Variants in MBTD1 observed in about 807,000 individuals in gnomAD.
The protein encoded by MBTD1 is MBT domain-containing protein 1.
In MBTD1, 24 loss-of-function variants were observed where a neutral mutation model predicts 87.8. The observed-to-expected ratio is 0.27, with a 90% CI of 0.20 to 0.38. MBTD1 has a LOEUF of 0.38. MBTD1 is among the 10% of genes least tolerant of loss of function. The pLI, the probability that MBTD1 is intolerant of heterozygous loss-of-function variation, is 1.00. For missense variants in MBTD1, 436 were observed against 760.2 expected (o/e 0.57, Z 5.02); for synonymous variants, 237 against 248.6 (o/e 0.95, Z 0.44).
At position 51,194,566 on chromosome 17, in the gene MBTD1, C is replaced by CAAAAAAAAAAAAAAAAAAAAAAA. The variant is rs71355733; in HGVS notation, c.1372+625_1372+647dup. Among the ~76,000 whole-genome samples, 3 of 19,734 alleles carry CAAAAAAAAAAAAAAAAAAAAAAA rather than the reference C, an allele frequency of 1.5e-4. 1 individual carries two copies. The highest frequency in any genetic ancestry group is 2.6e-4 in the African/African-American group (1 of 3,804). The allele number at this position is 19,734 out of a possible 152,430, so 12.9% of individuals were successfully genotyped here. On this transcript the variant is annotated intron_variant, in intron 13 of 16. Transcript: ENST00000586178. Reference sequence around the variant, plus strand: ...CCTGGGTGACAGAGCGAGACTGTCTCAAAAAAAAAAAAAAAAAAAAAAAAA... The same window carrying CAAAAAAAAAAAAAAAAAAAAAAA: ...CCTGGGTGACAGAGCGAGACTGTCTCAAAAAAAAAAAAAAAAAAAAAAAAAAAAAAAAAAAAAAAAAAAAAAAA...
Position 51,185,613 on chromosome 17 carries a change from G to A in MBTD1, c.1769-4919C>T, listed in dbSNP as rs929140575. ...AGAACTCAAAACACATCCTTTCCAT[G>A]AATGAGATACTATGAAATGTTATGA... On this transcript the variant is annotated intron_variant, in intron 16 of 16. Coordinates refer to ENST00000586178, the MANE Select transcript of MBTD1 (RefSeq NM_017643.3). 2.0e-5 allele frequency: 3 copies of A among 152,076 alleles called. 1 individual carries two copies. Among genetic ancestry groups the A allele is most frequent in the Non-Finnish European group, 4.4e-5 (3 of 68,020 alleles). 9.4% of individuals were successfully genotyped at this position (152,076 alleles called of 1,614,324 possible).
intron 4 of MBTD1, among the ~76,000 whole-genome samples, chr17:51,219,305 T>C (rs895783979): frequency 6.6e-6 from 1 of 152,202 alleles, no homozygotes; most frequent in African/African-American, 2.4e-5. Context: ...AAAAATTATA[T>C]CCCACAAGAT....
chr17:51,211,152 A>G lies in MBTD1; in HGVS notation c.487-4147T>C, dbSNP rs573067868. 6.6e-5 allele frequency among the ~76,000 whole-genome samples: 10 copies of G among 151,076 alleles called. No individual in the cohort carries two copies. The South Asian group carries it at 1.9e-3, about 28-fold the overall frequency. ...ACTACATCTCATAAAAAAAAAAGAA[A>G]AAAAAAAAAAGGAAAAAAAAATTTA... On this transcript the variant is annotated intron_variant, in intron 6 of 16. Coordinates refer to ENST00000586178, the MANE Select transcript of MBTD1 (RefSeq NM_017643.3).
rs531500349 is a variant in MBTD1 at position 51,179,291 on chromosome 17, G to A, written c.*1285C>T. 3 of 150,840 alleles carry A rather than the reference G, an allele frequency of 2.0e-5. No individual in the cohort carries two copies. The highest frequency in any genetic ancestry group is 6.6e-5 in the Admixed American group (1 of 15,098). The allele number at this position is 150,840 out of a possible 1,614,324, so 9.3% of individuals were successfully genotyped here. On this transcript the variant is annotated 3_prime_UTR_variant, in exon 17 of 17. Coordinates refer to ENST00000586178, the MANE Select transcript of MBTD1 (RefSeq NM_017643.3). ...TAGTTTATGAACCTCACTGGTAAAC[G>A]CTAGAGCGCTCTCATTCAGTCACAA...
chr17:51,179,490 A>ATATATATATATATATT lies in MBTD1; in HGVS notation c.*1085_*1086insAATATATATATATATA, dbSNP rs1568135584. 29 of 23,526 alleles carry ATATATATATATATATT rather than the reference A, an allele frequency of 1.2e-3. No homozygotes were observed. Among genetic ancestry groups the ATATATATATATATATT allele is most frequent in the Admixed American group, 1.9e-3 (4 of 2,052 alleles). 1.5% of individuals were successfully genotyped at this position (23,526 alleles called of 1,614,324 possible). ...AATACAATTAAAGACAATTTTATATATATATATATATATATATATATATAT... is the reference window on the plus strand; with the variant it reads ...AATACAATTAAAGACAATTTTATATATATATATATATATATTTATATATATATATATATATATATAT... On this transcript the variant is annotated 3_prime_UTR_variant, in exon 17 of 17. Coordinates refer to ENST00000586178, the MANE Select transcript of MBTD1 (RefSeq NM_017643.3).
intron 2 of MBTD1, among the ~76,000 whole-genome samples, chr17:51,227,370 G>T (rs1460881642): frequency 6.6e-6 from 1 of 152,018 alleles, no homozygotes; most frequent in Non-Finnish European, 1.5e-5. Flanking sequence ...AGACTAGCCT[G>T]GGCAATATGG....
chr17:51,202,199 T>TTCTACA lies in MBTD1; in HGVS notation c.1064-128_1064-123dup, dbSNP rs552645712. The TTCTACA allele has an allele frequency of 6.4e-4, 427 of 665,558 alleles. 3 individuals carry two copies. Among genetic ancestry groups the TTCTACA allele is most frequent in the South Asian group, 4.8e-3 (276 of 57,602 alleles). The allele number at this position is 665,558 out of a possible 1,614,324, so 41.2% of individuals were successfully genotyped here. On this transcript the variant is annotated intron_variant, in intron 10 of 16. Transcript: ENST00000586178. ...ATAAAACATGGCAAGAAGACATGCC[T>TTCTACA]TCTACATTTGGGGTGAATATTCTTT...
In MBTD1 at chr17:51,177,730, T is replaced by G. The variant is rs1359252726; in HGVS notation, c.*2846A>C. The G allele has an allele frequency of 6.6e-6, 1 of 152,212 alleles. No individual in the cohort carries two copies. Among genetic ancestry groups the G allele is most frequent in the East Asian group, 1.9e-4 (1 of 5,200 alleles). The allele number at this position is 152,212 out of a possible 1,614,324, so 9.4% of individuals were successfully genotyped here. On this transcript the variant is annotated 3_prime_UTR_variant, in exon 17 of 17. Transcript: ENST00000586178. ...AATGATGTAAAAACCTTATGCAGTT[T>G]ACTTTGACCTCTGTCCTCAAAAGAT...
chr17:51,224,515 T>C (rs1054936470), intron 3 of MBTD1, among the ~76,000 whole-genome samples: 1 of 152,190 alleles, frequency 6.6e-6, no homozygotes, highest in African/African-American at 2.4e-5. Context: ...ATTCTAGTAA[T>C]TTGAGATACT....
chr17:51,226,876 C>T (rs1297147892), intron 2 of MBTD1, among the ~76,000 whole-genome samples: 10 of 151,942 alleles, frequency 6.6e-5, no homozygotes, highest in African/African-American at 2.4e-4. Context: ...AAGTGATCGC[C>T]TGCCTTGGCT....
intron 12 of MBTD1, among the ~76,000 whole-genome samples, chr17:51,201,205 G>C (rs1385434967): frequency 6.6e-6 from 1 of 151,888 alleles, no homozygotes; most frequent in Non-Finnish European, 1.5e-5. Flanking sequence ...TCAGATGAGG[G>C]GGAAAAGAGA....
rs547061220 is a variant in MBTD1, at chr17:51,212,412, GT to G, written c.486+4921del. ...AAAGTATGATAAACTCAGCTGAAAA[GT>G]TTCTGCATCTATGTGTACAAATGAC... On this transcript the variant is annotated intron_variant, in intron 6 of 16. Transcript: ENST00000586178. Among the ~76,000 whole-genome samples the G allele has an allele frequency of 2.1e-4, 31 of 148,182 alleles. No homozygotes were observed. In the East Asian group the frequency reaches 5.9e-3, roughly 28 times the overall value.
intron 9 of MBTD1, 83 bp downstream of exon 9, chr17:51,203,057 A>G: frequency 7.6e-7 from 1 of 1,310,728 alleles, no homozygotes; most frequent in Non-Finnish European, 1.1e-6. Context: ...CTGGTTCACA[A>G]AATTAAACCA....
chr17:51,213,605 A>G (rs897574822), intron 6 of MBTD1, among the ~76,000 whole-genome samples: 1 of 152,174 alleles, frequency 6.6e-6, no homozygotes, highest in Non-Finnish European at 1.5e-5. Flanking sequence ...GCTGAAAATT[A>G]TAGTCCAGCT....
rs776817492 is a variant in MBTD1 at position 51,179,174 on chromosome 17, T to A, written c.*1402A>T. ...AATTTCTAATTAGCCCTACCTATAT[T>A]CCAGAGGAGATGGTCAATATTACCA... On this transcript the variant is annotated 3_prime_UTR_variant, in exon 17 of 17. Coordinates refer to ENST00000586178, the MANE Select transcript of MBTD1 (RefSeq NM_017643.3). 6.6e-6 allele frequency: 1 copy of A among 151,974 alleles called. No homozygotes were observed. Among genetic ancestry groups the A allele is most frequent in the African/African-American group, 2.4e-5 (1 of 41,374 alleles). 9.4% of individuals were successfully genotyped at this position (151,974 alleles called of 1,614,324 possible).
chr17:51,212,783 T>G lies in MBTD1; in HGVS notation c.486+4551A>C, dbSNP rs58031833. Among the ~76,000 whole-genome samples, 1,131 of 152,292 alleles carry G rather than the reference T, an allele frequency of 7.4e-3. 16 individuals are homozygous for G. The highest frequency in any genetic ancestry group is 0.026 in the African/African-American group (1,080 of 41,572). ...TTATCTATTTATTTTTGAGATGGAA[T>G]TTTGCTCTTATTGCTTAGGCTAGAG... On this transcript the variant is annotated intron_variant, in intron 6 of 16. Coordinates refer to ENST00000586178, the MANE Select transcript of MBTD1 (RefSeq NM_017643.3).
intron 16 of MBTD1, among the ~76,000 whole-genome samples, chr17:51,182,066 C>A (rs1033153355): frequency 6.6e-6 from 1 of 151,950 alleles, no homozygotes; most frequent in East Asian, 1.9e-4. Context: ...TTAGCATACA[C>A]GGATCTGCTA....
At chr17:51,194,707 T>G (rs2050995269) in intron 13 of MBTD1, among the ~76,000 whole-genome samples, 2 of 149,486 alleles carry the variant, frequency 1.3e-5, no homozygotes, top group Non-Finnish European at 3.0e-5. Flanking sequence ...CATAGTGAGA[T>G]TCCTGTCTGT....
chr17:51,256,269 G>A (rs1205203814), intron 2 of MBTD1: 7 of 152,192 alleles, frequency 4.6e-5, no homozygotes. Context: ...TATTTCAGAT[G>A]AGGAAAGTGA....
Sources: allele counts gnomAD v4.1 joint callset (sites outside exome capture counted in the v4.1 genomes callset), GRCh38; gene constraint gnomAD v4.1.1; transcripts MANE v1.5; gene names NCBI Gene and HGNC (gene_info 2026-07-23, HGNC 2026-07-21).